TENM2: variants seen among roughly 807,000 people sequenced by gnomAD.
TENM2 encodes teneurin transmembrane protein 2.
In TENM2, 52 loss-of-function variants were observed where a neutral mutation model predicts 245.2. The observed-to-expected ratio is 0.21, with a 90% CI of 0.17 to 0.27. The LOEUF is 0.27. TENM2 is among the 10% of genes least tolerant of loss of function. The pLI, the probability that TENM2 is intolerant of heterozygous loss-of-function variation, is 1.00. For missense variants in TENM2, 3,046 were observed against 3,666.8 expected, an observed-to-expected ratio of 0.83 and a Z score of 4.37; for synonymous variants, 1,363 against 1,438.9, an observed-to-expected ratio of 0.95 and a Z score of 1.19.
chr5:168,132,733 G>A (rs1754702241), intron 12 of TENM2, among the ~76,000 whole-genome samples: 1 of 152,234 alleles, frequency 6.6e-6, no homozygotes, highest in Non-Finnish European at 1.5e-5. Context: ...CATGTAATAA[G>A]AGCTGTTGAA....
intron 2 of TENM2, among the ~76,000 whole-genome samples, chr5:167,748,474 G>C (rs745559983): frequency 1.1e-4 from 16 of 151,986 alleles, no homozygotes; most frequent in Non-Finnish European, 1.9e-4. Flanking sequence ...TACCTCCTTG[G>C]CTCAAGGAAT....
At chr5:167,274,841 A>G in the TENM2 span, among the ~76,000 whole-genome samples, 1 of 151,666 alleles carries the variant, frequency 6.6e-6, no homozygotes, top group Admixed American at 6.6e-5. Context: ...CAATATTCTA[A>G]TTGTATTGTT....
At chr5:167,766,743 G>A (rs1359550704) in intron 2 of TENM2, among the ~76,000 whole-genome samples, 2 of 152,064 alleles carry the variant, frequency 1.3e-5, no homozygotes, top group South Asian at 2.1e-4. Flanking sequence ...ACTGGGTGTT[G>A]TGATGCATTC....
At position 168,183,923 on chromosome 5, in the gene TENM2, G is replaced by A. The variant is rs151141678; in HGVS notation, c.2570-6414G>A. ...CTCACAACTGTTGTAAGGACCTTTC[G>A]TGGATTACCTCTGTGGATCCTCCCA... On this transcript the variant is annotated intron_variant, in intron 13 of 28. Transcript: ENST00000518659. Among the ~76,000 whole-genome samples, 20 of 151,896 alleles carry A rather than the reference G, an allele frequency of 1.3e-4. 1 individual carries two copies. The highest frequency in any genetic ancestry group is 4.1e-4 in the African/African-American group (17 of 41,434).
chr5:167,375,093 G>T, intron 1 of TENM2, 105 bp from the exon 4 acceptor site: 1 of 1,144,142 alleles, frequency 8.7e-7, no homozygotes, highest in Non-Finnish European at 1.2e-6. Flanking sequence ...TGAATTTGAT[G>T]TATCTGTCAG....
chr5:167,182,772 C>A, the TENM2 span, among the ~76,000 whole-genome samples: 3 of 152,120 alleles, frequency 2.0e-5, no homozygotes, highest in Non-Finnish European at 4.4e-5. Context: ...CACTCCTCCA[C>A]TGTTGCTTTT....
the TENM2 span, among the ~76,000 whole-genome samples, chr5:167,151,742 C>T: frequency 6.6e-6 from 1 of 152,192 alleles, no homozygotes; most frequent in Non-Finnish European, 1.5e-5. Context: ...CGGTCTTGAT[C>T]TCTTGACCTT....
chr5:167,682,595 G>T (rs888815894), intron 2 of TENM2, among the ~76,000 whole-genome samples: 4 of 152,152 alleles, frequency 2.6e-5, no homozygotes. Flanking sequence ...TGGGATAGGT[G>T]TTTCCCTTCT....
chr5:167,700,949 TAAAAAAAA>T (rs781480259), intron 2 of TENM2, among the ~76,000 whole-genome samples: 4 of 79,892 alleles, frequency 5.0e-5, no homozygotes, highest in Non-Finnish European at 9.2e-5. Context: ...TTATATTTCT[TAAAAAAAA>T]AAAAAAAAAA....
At chr5:167,377,406 G>A (rs778757833) in intron 2 of TENM2, among the ~76,000 whole-genome samples, 11 of 152,136 alleles carry the variant, frequency 7.2e-5, no homozygotes, top group Non-Finnish European at 1.5e-4. Context: ...CTCTGTATGT[G>A]AGTGTGGCTG....
chr5:167,990,170 C>T (rs1325714388), intron 4 of TENM2, among the ~76,000 whole-genome samples: 2 of 152,148 alleles, frequency 1.3e-5, no homozygotes, highest in South Asian at 2.1e-4. Flanking sequence ...AATCAAATTC[C>T]GAGGTTTCTC....
intron 4 of TENM2, among the ~76,000 whole-genome samples, chr5:167,982,750 A>G (rs1303866334): frequency 6.6e-6 from 1 of 152,156 alleles, no homozygotes; most frequent in Non-Finnish European, 1.5e-5. Context: ...AGCACCTACT[A>G]TGAAGAGGGA....
At chr5:167,900,371 G>T (rs1408215256) in intron 3 of TENM2, among the ~76,000 whole-genome samples, 1 of 152,104 alleles carries the variant, frequency 6.6e-6, no homozygotes, top group East Asian at 1.9e-4. Flanking sequence ...CATGAAGGTG[G>T]AAATTACGGT....
chr5:167,630,290 C>T (rs1778782986), intron 2 of TENM2, among the ~76,000 whole-genome samples: 1 of 152,126 alleles, frequency 6.6e-6, no homozygotes, highest in South Asian at 2.1e-4. Context: ...AACACAAGCA[C>T]TGTGACACCC....
the TENM2 span, among the ~76,000 whole-genome samples, chr5:167,228,131 T>A: frequency 6.6e-6 from 1 of 152,082 alleles, no homozygotes; most frequent in East Asian, 1.9e-4. Flanking sequence ...TGGCTTCAAG[T>A]GATTCTCATG....
chr5:168,218,050 A>AC lies in TENM2; in HGVS notation c.4234-73dup. 2.0e-6 allele frequency: 3 copies of AC among 1,483,584 alleles called. No individual in the cohort carries two copies. The highest frequency in any genetic ancestry group is 2.7e-6 in the Non-Finnish European group (3 of 1,100,180). 91.9% of individuals were successfully genotyped at this position (1,483,584 alleles called of 1,614,324 possible). ...CTGTCTTTTTTCCTAGATATATAAA[A>AC]CCAGTAAGTGCCGTACGGTTAAACG... On this transcript the variant is annotated intron_variant, in intron 22 of 28. Transcript: ENST00000518659. The surrounding 1 kb of genome is among the most constrained non-coding windows in gnomAD (Gnocchi z 5.2).
chr5:168,135,876 T>TGGTTTTG (rs373606136), intron 12 of TENM2, among the ~76,000 whole-genome samples: 2 of 152,158 alleles, frequency 1.3e-5, no homozygotes, highest in Non-Finnish European at 2.9e-5. Context: ...AGTGTTTTTT[T>TGGTTTTG]GGTTTTGGGT....
intron 2 of TENM2, among the ~76,000 whole-genome samples, chr5:167,873,235 A>G (rs2151370503): frequency 6.6e-6 from 1 of 152,360 alleles, no homozygotes; most frequent in East Asian, 1.9e-4. Flanking sequence ...CTGTCGGATG[A>G]TAGCGGCTGT....
intron 2 of TENM2, among the ~76,000 whole-genome samples, chr5:167,768,885 G>A (rs954279515): frequency 6.6e-6 from 1 of 152,124 alleles, no homozygotes; most frequent in African/African-American, 2.4e-5. Flanking sequence ...CTTGGGAGAC[G>A]GGATGTATAG....
Sources: allele counts gnomAD v4.1 joint callset (sites outside exome capture counted in the v4.1 genomes callset), GRCh38; gene constraint gnomAD v4.1.1; non-coding constraint Gnocchi (gnomAD v3.1); transcripts MANE v1.5; gene names NCBI Gene and HGNC (gene_info 2026-07-23, HGNC 2026-07-21).